The following ANKFN1 variants were observed in gnomAD, a reference collection of about 807,000 sequenced individuals.
ANKFN1 encodes the protein ankyrin repeat and fibronectin type-III domain-containing protein 1.
Under a neutral mutation model 108.7 loss-of-function variants are expected in ANKFN1, and 74 were observed. That is an observed-to-expected ratio of 0.68 (90% CI 0.56 to 0.83). ANKFN1 has a LOEUF of 0.83. Ranked by LOEUF, ANKFN1 falls within the 40% of genes least tolerant of loss-of-function variation. ANKFN1 has a pLI of 0.00. For synonymous variants in ANKFN1, 547 were observed against 516.2 expected, an observed-to-expected ratio of 1.06 and a Z score of -0.81; for missense variants, 1,505 against 1,382.3, an observed-to-expected ratio of 1.09 and a Z score of -1.41.
chr17:56,106,718 C>T (rs1383367286), intron 4 of ANKFN1, among the ~76,000 whole-genome samples: 1 of 152,124 alleles, frequency 6.6e-6, no homozygotes, highest in Non-Finnish European at 1.5e-5. Context: ...TGCTTTTCCT[C>T]AAAAATCTCA....
intron 12 of ANKFN1, 89 bp downstream of exon 12, chr17:56,457,049 T>C (rs1011573363): frequency 1.5e-6 from 2 of 1,323,090 alleles, no homozygotes; most frequent in East Asian, 2.5e-5. Flanking sequence ...AGAAATTTTT[T>C]TGTGTTCAAA....
At chr17:56,142,987 A>G (rs925204561) in intron 4 of ANKFN1, among the ~76,000 whole-genome samples, 4 of 152,170 alleles carry the variant, frequency 2.6e-5, no homozygotes, top group Non-Finnish European at 5.9e-5. Flanking sequence ...ATGCATTTGG[A>G]GGCTGAGACA....
intron 8 of ANKFN1, among the ~76,000 whole-genome samples, chr17:56,389,323 A>T (rs1233198568): frequency 6.6e-6 from 1 of 152,240 alleles, no homozygotes; most frequent in East Asian, 1.9e-4. Flanking sequence ...AATGCTGCAC[A>T]ATTCCATTTA....
intron 1 of ANKFN1, chr17:56,174,409 T>A: frequency 1.0e-6 from 1 of 985,414 alleles, no homozygotes; most frequent in Non-Finnish European, 1.2e-6. Flanking sequence ...GAGGTTGGCT[T>A]CCAAATCTTC....
In ANKFN1 at chr17:56,126,030, C is replaced by T. The variant is rs1481116949; in HGVS notation, c.288+79705C>T. Among the ~76,000 whole-genome samples the T allele has an allele frequency of 2.0e-5, 3 of 152,154 alleles. No individual in the cohort carries two copies. In the East Asian group the frequency reaches 5.8e-4, roughly 29 times the overall value. ...GCATTATTTATGTGCTGTCTCTGGCCCCGCCCGGGGCTGCTGTTGTGTGGG... is the reference window on the plus strand; with the variant it reads ...GCATTATTTATGTGCTGTCTCTGGCTCCGCCCGGGGCTGCTGTTGTGTGGG... On this transcript the variant is annotated intron_variant, in intron 4 of 12. Coordinates refer to the ANKFN1 transcript ENST00000635860.
intron 3 of ANKFN1, among the ~76,000 whole-genome samples, chr17:56,236,020 G>A (rs1414695329): frequency 1.3e-5 from 2 of 151,786 alleles, no homozygotes; most frequent in African/African-American, 4.8e-5. Flanking sequence ...ATTTATTTGT[G>A]TCATCTCTGA....
chr17:56,204,908 TACTAA>T (rs1294345187), intron 1 of ANKFN1, among the ~76,000 whole-genome samples: 3 of 151,984 alleles, frequency 2.0e-5, no homozygotes, highest in Non-Finnish European at 4.4e-5. Flanking sequence ...ACCCCGTCTC[TACTAA>T]AAACACAAAA....
In ANKFN1 at chr17:56,511,369, G is replaced by A. The variant is rs764113573; in HGVS notation, c.*100G>A. On this transcript the variant is annotated 3_prime_UTR_variant, in exon 21 of 21. Transcript: ENST00000682825. ...CCACTGTGTACCCACTCATTTTCAA[G>A]CGTTTTGAATGTTATAAATACAAAG... is the stretch of plus-strand genomic sequence containing the variant. 23 of 1,238,952 alleles carry A rather than the reference G, an allele frequency of 1.9e-5. No individual in the cohort carries two copies. The highest frequency in any genetic ancestry group is 2.4e-5 in the Non-Finnish European group (22 of 920,880). 76.7% of individuals were successfully genotyped at this position (1,238,952 alleles called of 1,614,324 possible). A position where few individuals can be genotyped will look rare whatever the true frequency, so the allele number is the denominator to read the frequency against.
intron 4 of ANKFN1, among the ~76,000 whole-genome samples, chr17:56,055,815 A>C (rs1039463028): frequency 3.3e-5 from 5 of 151,394 alleles, no homozygotes; most frequent in African/African-American, 1.2e-4. Flanking sequence ...TTTTCCATAG[A>C]GGTTGAAATA....
chr17:56,234,226 T>C (rs1024012884), intron 3 of ANKFN1, among the ~76,000 whole-genome samples: 4 of 152,154 alleles, frequency 2.6e-5, no homozygotes, highest in African/African-American at 9.7e-5. Flanking sequence ...CACACCTTTA[T>C]ATGGTATTCA....
At chr17:56,446,306 A>G (rs1440428594) in intron 10 of ANKFN1, among the ~76,000 whole-genome samples, 2 of 152,148 alleles carry the variant, frequency 1.3e-5, no homozygotes, top group African/African-American at 4.8e-5. Flanking sequence ...GTCTTACTCA[A>G]ACACACAACC....
chr17:56,301,281 A>G (rs1360322685), intron 3 of ANKFN1, among the ~76,000 whole-genome samples: 2 of 152,154 alleles, frequency 1.3e-5, no homozygotes, highest in African/African-American at 4.8e-5. Context: ...GCTGGCATTC[A>G]TCTTTATTTG....
chr17:56,052,574 T>A (rs2143080067), intron 4 of ANKFN1, among the ~76,000 whole-genome samples: 1 of 152,316 alleles, frequency 6.6e-6, no homozygotes, highest in Admixed American at 6.5e-5. Flanking sequence ...GGTCTAGATT[T>A]TCTGCAAAAT....
At chr17:56,354,133 C>A (rs894009737) in intron 6 of ANKFN1, 87 bp downstream of exon 6, 8 of 1,323,510 alleles carry the variant, frequency 6.0e-6, no homozygotes, top group Middle Eastern at 1.8e-4. Flanking sequence ...ACTTTCAGAG[C>A]AGGAATGGTT....
In ANKFN1 at chr17:56,514,890, TGG is replaced by T. The variant is rs2051872570; in HGVS notation, c.*3622_*3623del. 6.6e-6 allele frequency among the ~76,000 whole-genome samples: 1 copy of T among 152,156 alleles called. No individual in the cohort carries two copies. Among genetic ancestry groups the T allele is most frequent in the Non-Finnish European group, 1.5e-5 (1 of 68,032 alleles). Reference sequence around the variant, plus strand: ...ATGCCAGAGAAGTGGAAAAGAGGACTGGACCCTCGTTCATTGTTATCCTGCCA... The same window carrying T: ...ATGCCAGAGAAGTGGAAAAGAGGACTACCCTCGTTCATTGTTATCCTGCCA... On this transcript the variant is annotated 3_prime_UTR_variant, in exon 21 of 21. Transcript: ENST00000682825.
intron 3 of ANKFN1, among the ~76,000 whole-genome samples, chr17:56,308,400 G>T (rs576150268): frequency 8.0e-4 from 122 of 152,048 alleles, no homozygotes; most frequent in Non-Finnish European, 1.2e-3. Context: ...TGTTCATCTC[G>T]TATCTTGTGA....
At chr17:56,314,333 G>T (rs548329963) in intron 3 of ANKFN1, among the ~76,000 whole-genome samples, 2 of 152,194 alleles carry the variant, frequency 1.3e-5, no homozygotes, top group East Asian at 1.9e-4. Context: ...ATTTAACTTT[G>T]TAAAAGACTG....
chr17:56,076,454 G>C (rs184490517), intron 4 of ANKFN1, among the ~76,000 whole-genome samples: 48 of 152,262 alleles, frequency 3.2e-4, no homozygotes, highest in African/African-American at 1.1e-3. Context: ...TGTTATGAAG[G>C]TATAATTGTC....
intron 1 of ANKFN1, among the ~76,000 whole-genome samples, chr17:56,206,330 A>G (rs1342823672): frequency 6.6e-6 from 1 of 152,182 alleles, no homozygotes; most frequent in Non-Finnish European, 1.5e-5. Flanking sequence ...AACTGTTCAT[A>G]AAGTTCTCCC....
Sources: gnomAD v4.1 joint callset for allele counts (sites outside exome capture counted in the v4.1 genomes callset) on GRCh38, gnomAD v4.1.1 for gene constraint, MANE v1.5 for transcripts, NCBI Gene and HGNC (gene_info 2026-07-23, HGNC 2026-07-21) for gene names.